OTOGL: variants seen among roughly 807,000 people sequenced by gnomAD.
OTOGL encodes the protein otogelin-like protein.
In OTOGL, 285 loss-of-function variants were observed where a neutral mutation model predicts 318.5. That is an observed-to-expected ratio of 0.89 (90% CI 0.81 to 0.99). The LOEUF (loss-of-function observed/expected upper bound fraction) is 0.99, where lower values mean the gene tolerates loss of function less well. Ranked by LOEUF, OTOGL falls within the 50% of genes least tolerant of loss-of-function variation. OTOGL has a pLI of 0.00. For missense variants in OTOGL, 2,899 were observed against 2,845.6 expected, an observed-to-expected ratio of 1.02 and a Z score of -0.43; for synonymous variants, 987 against 936.5, an observed-to-expected ratio of 1.05 and a Z score of -0.99.
intron 8 of OTOGL, among the ~76,000 whole-genome samples, chr12:80,230,258 A>G (rs1879246144): frequency 1.3e-5 from 2 of 152,170 alleles, no homozygotes; most frequent in Admixed American, 1.3e-4. Context: ...GGTAGCAGAA[A>G]GGGCAGTGGA....
rs1272317036 is a variant in OTOGL, at chr12:80,380,503, C to G, written c.*2455C>G. 1 of 151,736 alleles carries G rather than the reference C, an allele frequency of 6.6e-6. No homozygotes were observed. Among genetic ancestry groups the G allele is most frequent in the Non-Finnish European group, 1.5e-5 (1 of 67,858 alleles). The allele number at this position is 151,736 out of a possible 1,614,324, so 9.4% of individuals were successfully genotyped here. On this transcript the variant is annotated 3_prime_UTR_variant, in exon 59 of 59. Coordinates refer to ENST00000547103, the MANE Select transcript of OTOGL (RefSeq NM_001378609.3). ...AGAAAAATAAGTAAGACTAGTGGAT[C>G]CTTTAACAAAAAAGATAACTGAGCA...
chr12:80,323,828 A>C lies in OTOGL; in HGVS notation c.4187A>C (p.Lys1396Thr), dbSNP rs764023887. Residue 1396 changes from lysine (K) to threonine (T), a missense_variant, in exon 35 of 59, where the codon AAA becomes ACA. Lys to Thr is a moderately conservative substitution (Grantham distance 78). This residue lies in a region of OTOGL where 2,607 missense variants were observed against 2,524.9 expected (regional missense o/e 1.03). Transcript: ENST00000547103. Reference protein sequence around the residue: ...TCSDPEALACKFLPPVEGCLP... With the variant: ...TCSDPEALACTFLPPVEGCLP... ...AGTGACCCTGAAGCACTAGCATGTA[A>C]ATTTCTTCCACCGTAAGTAACGTTT... The C allele has an allele frequency of 4.3e-6, 7 of 1,609,906 alleles. No homozygotes were observed. Among genetic ancestry groups the C allele is most frequent in the Non-Finnish European group, 5.1e-6 (6 of 1,176,308 alleles).
At chr12:80,325,512 C>T (rs569538226) in intron 35 of OTOGL, among the ~76,000 whole-genome samples, 34 of 152,322 alleles carry the variant, frequency 2.2e-4, no homozygotes, top group African/African-American at 7.5e-4. Context: ...GCCCTGGTCA[C>T]ACAGTTTGTA....
chr12:80,282,505 A>G (rs563358729), intron 26 of OTOGL, among the ~76,000 whole-genome samples: 2 of 151,350 alleles, frequency 1.3e-5, no homozygotes, highest in Admixed American at 6.6e-5. Context: ...TCATATAATT[A>G]TAACGGATGG....
At chr12:80,109,032 A>G (rs1869671881) in intron 1 of OTOGL, among the ~76,000 whole-genome samples, 1 of 150,316 alleles carries the variant, frequency 6.7e-6, no homozygotes, top group South Asian at 2.1e-4. Context: ...GACAGCTCTT[A>G]TATCTTTCTG....
intron 4 of OTOGL, 130 bp from the exon 5 acceptor site, chr12:80,217,468 C>A: frequency 1.5e-6 from 1 of 686,158 alleles, no homozygotes; most frequent in Non-Finnish European, 2.4e-6. Flanking sequence ...GCCTCAATAA[C>A]CCCAGAAAAT....
chr12:80,251,554 A>G (rs1399654545), intron 11 of OTOGL, 139 bp from the exon 12 acceptor site: 6 of 594,212 alleles, frequency 1.0e-5, no homozygotes, highest in Admixed American at 6.7e-5. Context: ...AAGATATATT[A>G]TGAGTGACAC....
chr12:80,217,170 G>A (rs1297497799), intron 4 of OTOGL, among the ~76,000 whole-genome samples: 1 of 151,978 alleles, frequency 6.6e-6, no homozygotes, highest in African/African-American at 2.4e-5. Flanking sequence ...TCTGCGCCTG[G>A]AAGTGTCAGA....
chr12:80,263,856 C>G (rs1487528433), intron 19 of OTOGL, among the ~76,000 whole-genome samples: 1 of 151,994 alleles, frequency 6.6e-6, no homozygotes, highest in East Asian at 1.9e-4. Context: ...CTTTGATCTA[C>G]AAATTGTTAG....
At chr12:80,112,962 C>G (rs1033464497) in intron 1 of OTOGL, among the ~76,000 whole-genome samples, 2 of 152,082 alleles carry the variant, frequency 1.3e-5, no homozygotes, top group Non-Finnish European at 2.9e-5. Flanking sequence ...AGGGATTTGA[C>G]TTCTTCCTGG....
intron 57 of OTOGL, among the ~76,000 whole-genome samples, chr12:80,375,790 G>A (rs113114510): frequency 5.9e-5 from 9 of 152,062 alleles, no homozygotes; most frequent in South Asian, 4.1e-4. Context: ...TTGAACTTAC[G>A]TAAGAATGGA....
intron 1 of OTOGL, chr12:80,103,274 G>T (rs879022747): frequency 3.3e-5 from 53 of 1,584,504 alleles, no homozygotes; most frequent in Non-Finnish European, 3.9e-5. Context: ...GGGAAGGTGC[G>T]TTGAAATGCC....
At chr12:80,136,061 GTCTA>G in intron 1 of OTOGL, among the ~76,000 whole-genome samples, 1 of 152,186 alleles carries the variant, frequency 6.6e-6, no homozygotes, top group African/African-American at 2.4e-5. Context: ...GTCTATAGCT[GTCTA>G]TCTTTTTCCT....
chr12:80,209,442 T>C lies in OTOGL; in HGVS notation c.11T>C (p.Val4Ala). 6.7e-7 allele frequency: 1 copy of C among 1,503,426 alleles called. No individual in the cohort carries two copies. Among genetic ancestry groups the C allele is most frequent in the Non-Finnish European group, 8.9e-7 (1 of 1,126,260 alleles). The allele number at this position is 1,503,426 out of a possible 1,614,324, so 93.1% of individuals were successfully genotyped here. A position where few individuals can be genotyped will look rare whatever the true frequency, so the allele number is the denominator to read the frequency against. The change falls in exon 2 of 59, where the codon GTA becomes GCA. Residue 4 changes from valine to alanine, a missense_variant. This residue lies in a region of OTOGL where 2,607 missense variants were observed against 2,524.9 expected (regional missense o/e 1.03). Coordinates refer to ENST00000547103, the MANE Select transcript of OTOGL (RefSeq NM_001378609.3). ...AAAGGCTACACTGAAATGAACATTG[T>C]AAGAAAACTCAATTTAATGATACCT... Reference protein sequence around the residue: MNIVRKLNLMIPWS... With the variant: MNIARKLNLMIPWS...
chr12:80,313,724 C>T (rs992892443), intron 31 of OTOGL, 92 bp downstream of exon 31: 26 of 1,103,550 alleles, frequency 2.4e-5, no homozygotes, highest in Non-Finnish European at 1.8e-5. Flanking sequence ...TGCCAGGAGA[C>T]TCATGGGAAT....
rs188977788 is a variant in OTOGL at position 80,198,991 on chromosome 12, C to A, written c.-19-10422C>A. 3.9e-5 allele frequency among the ~76,000 whole-genome samples: 6 copies of A among 152,256 alleles called. No individual in the cohort carries two copies. The East Asian group carries it at 1.2e-3, about 29-fold the overall frequency. ...TAAAATATACATAACCTGTAATATG[C>A]GTGTGCATATTTATGTGCAATATAT... On this transcript the variant is annotated intron_variant, in intron 1 of 58. Coordinates refer to ENST00000547103, the MANE Select transcript of OTOGL (RefSeq NM_001378609.3).
At chr12:80,134,234 T>C (rs765374643) in intron 1 of OTOGL, among the ~76,000 whole-genome samples, 13 of 152,228 alleles carry the variant, frequency 8.5e-5, no homozygotes, top group Non-Finnish European at 1.6e-4. Flanking sequence ...TTTAATGATT[T>C]TGTATTATTT....
chr12:80,275,111 A>G (rs1023656590), intron 24 of OTOGL, among the ~76,000 whole-genome samples: 3 of 151,948 alleles, frequency 2.0e-5, no homozygotes, highest in African/African-American at 7.2e-5. Context: ...TAGGAAATAC[A>G]TTTCACAGGG....
At position 80,377,234 on chromosome 12, in the gene OTOGL, T is replaced by C. The variant is rs1436981859; in HGVS notation, c.6861+32T>C. On this transcript the variant is annotated intron_variant, in intron 58 of 58. Transcript: ENST00000547103. ...GGAAAAATGTCATTTGCTACATAAA[T>C]GCACACATCTTTTTAGAAAGTATGT... 5 of 1,501,958 alleles carry C rather than the reference T, an allele frequency of 3.3e-6. No individual in the cohort carries two copies. In the Admixed American group the frequency reaches 5.6e-5, roughly 17 times the overall value. 93.0% of individuals were successfully genotyped at this position (1,501,958 alleles called of 1,614,324 possible).
Sources: gnomAD v4.1 joint callset for allele counts (sites outside exome capture counted in the v4.1 genomes callset) on GRCh38, gnomAD v4.1.1 for gene constraint, gnomAD v4.1.1 regional missense constraint, MANE v1.5 for transcripts, NCBI Gene and HGNC (gene_info 2026-07-23, HGNC 2026-07-21) for gene names.